FERMT1: variants seen among roughly 807,000 people sequenced by gnomAD.
FERMT1 encodes the protein fermitin family homolog 1.
In FERMT1, 60 loss-of-function variants were observed where a neutral mutation model predicts 85.3. The ratio of observed to expected loss-of-function variants is 0.70; its 90% CI spans 0.57 to 0.87. The LOEUF is 0.87. FERMT1 is among the 40% of genes least tolerant of loss of function. FERMT1 has a pLI of 0.00. For missense variants in FERMT1, 701 were observed against 818.9 expected (o/e 0.86, Z 1.76); for synonymous variants, 275 against 301.1 (o/e 0.91, Z 0.90).
intron 6 of FERMT1, among the ~76,000 whole-genome samples, chr20:6,101,798 G>A (rs1982666841): frequency 6.6e-6 from 1 of 151,770 alleles, no homozygotes; most frequent in South Asian, 2.1e-4. Flanking sequence ...GATTACACGA[G>A]CCCGCCTCCA....
rs1400433424 is a variant in FERMT1 at position 6,097,330 on chromosome 20, G to A, written c.957+194C>T. Among the ~76,000 whole-genome samples the A allele has an allele frequency of 9.9e-5, 15 of 152,098 alleles. 1 individual carries two copies. The highest frequency in any genetic ancestry group is 1.5e-5 in the Non-Finnish European group (1 of 68,028). ...GGATGTGAGCGTGTGTGGATTATGA[G>A]GAGCATTTTAAATTAAAAATTTGTT... On this transcript the variant is annotated intron_variant, in intron 7 of 14. Coordinates refer to ENST00000217289, the MANE Select transcript of FERMT1 (RefSeq NM_017671.5).
intron 6 of FERMT1, among the ~76,000 whole-genome samples, chr20:6,103,799 A>G (rs1982726178): frequency 7.4e-6 from 1 of 135,410 alleles, no homozygotes; most frequent in Non-Finnish European, 1.6e-5. Context: ...CAGATGTACA[A>G]TTTTCATTTT....
chr20:6,119,389 G>A lies in FERMT1; in HGVS notation c.151+15C>T. The A allele has an allele frequency of 1.2e-6, 2 of 1,613,556 alleles. No homozygotes were observed. The highest frequency in any genetic ancestry group is 1.7e-6 in the Non-Finnish European group (2 of 1,179,498). The stretch of plus-strand genomic sequence containing the variant: ...GTTTCTAATACAGAGAAACCGTAAA[G>A]CAAGAGTAACTTACTGATCTGTTCT... On this transcript the variant is annotated intron_variant, in intron 2 of 14. Transcript: ENST00000217289.
chr20:6,089,474 A>G (rs1290206108), intron 9 of FERMT1, among the ~76,000 whole-genome samples: 1 of 152,208 alleles, frequency 6.6e-6, no homozygotes, highest in African/African-American at 2.4e-5. Flanking sequence ...GATGCAACTG[A>G]AGTGTTAACT....
chr20:6,115,101 A>G (rs950292960), intron 3 of FERMT1, among the ~76,000 whole-genome samples: 1 of 152,142 alleles, frequency 6.6e-6, no homozygotes, highest in South Asian at 2.1e-4. Context: ...ACTATATATC[A>G]CTATATATTA....
intron 8 of FERMT1, among the ~76,000 whole-genome samples, chr20:6,096,062 G>A (rs1028570686): frequency 2.0e-5 from 3 of 152,180 alleles, no homozygotes; most frequent in Non-Finnish European, 1.5e-5. Context: ...TAAGGAGAAA[G>A]AGATGACAAA....
intron 6 of FERMT1, among the ~76,000 whole-genome samples, chr20:6,105,244 G>A (rs76608961): frequency 6.6e-6 from 1 of 152,338 alleles, no homozygotes; most frequent in Non-Finnish European, 1.5e-5. Flanking sequence ...ATGTGACCGA[G>A]AGTAGAGAAA....
At chr20:6,098,073 CAA>C (rs963909158) in intron 6 of FERMT1, among the ~76,000 whole-genome samples, 9 of 152,180 alleles carry the variant, frequency 5.9e-5, no homozygotes, top group Admixed American at 5.2e-4. Flanking sequence ...CTCAGCCCCA[CAA>C]AGTGCTGGAA....
In FERMT1 at chr20:6,095,366, G is replaced by T. The variant is rs1982472423; in HGVS notation, c.1090-378C>A. On this transcript the variant is annotated intron_variant, in intron 8 of 14. Transcript: ENST00000217289. ...AGATTACAAAAATGAAAAACGAGAT[G>T]AAAAAAATGAAAAAGTGGATCAAGT... Among the ~76,000 whole-genome samples, 5 of 152,068 alleles carry T rather than the reference G, an allele frequency of 3.3e-5. No homozygotes were observed. The South Asian group carries it at 1.0e-3, about 31-fold the overall frequency.
At chr20:6,078,086 T>G (rs1981882584) in intron 14 of FERMT1, among the ~76,000 whole-genome samples, 1 of 152,228 alleles carries the variant, frequency 6.6e-6, no homozygotes, top group African/African-American at 2.4e-5. Flanking sequence ...AAGAAAGACT[T>G]AGAGACTTTG....
intron 3 of FERMT1, among the ~76,000 whole-genome samples, chr20:6,114,431 A>G (rs1983044356): frequency 6.6e-6 from 1 of 152,238 alleles, no homozygotes; most frequent in Admixed American, 6.5e-5. Context: ...AATCAGGAAA[A>G]GAGAACATCT....
intron 6 of FERMT1, among the ~76,000 whole-genome samples, chr20:6,106,329 C>G (rs1043992118): frequency 2.0e-5 from 3 of 152,128 alleles, no homozygotes; most frequent in Admixed American, 2.0e-4. Context: ...ACAGTGGAAG[C>G]TGAGGTGAGC....
Position 6,115,791 on chromosome 20 carries a change from G to A in FERMT1, c.385+20C>T. The A allele has an allele frequency of 6.4e-7, 1 of 1,568,764 alleles. No homozygotes were observed. The highest frequency in any genetic ancestry group is 8.8e-7 in the Non-Finnish European group (1 of 1,138,846). On this transcript the variant is annotated intron_variant, in intron 3 of 14. Transcript: ENST00000217289. ...TTTGCAAGAGTCTACAGGGCACAGG[G>A]GCCTTTCCTGGGTACTTACTCAGGA...
intron 1 of FERMT1, among the ~76,000 whole-genome samples, 171 bp downstream of exon 1, chr20:6,122,603 A>G (rs1429420037): frequency 6.6e-6 from 1 of 152,188 alleles, no homozygotes; most frequent in Non-Finnish European, 1.5e-5. Flanking sequence ...TTGCGGCCAG[A>G]TGCGTAGGGC....
rs554172418 is a variant in FERMT1, at chr20:6,082,238, C to T, written c.1718+1802G>A. 2.3e-4 allele frequency among the ~76,000 whole-genome samples: 35 copies of T among 152,282 alleles called. 1 individual carries two copies. Among genetic ancestry groups the T allele is most frequent in the Admixed American group, 6.5e-4 (10 of 15,296 alleles). On this transcript the variant is annotated intron_variant, in intron 13 of 14. Coordinates refer to ENST00000217289, the MANE Select transcript of FERMT1 (RefSeq NM_017671.5). ...GTTGTCACCGGAAAGTTGTTCAGGCCCACACCACGCTTCACCACGTATCAG... is the reference window on the plus strand; with the variant it reads ...GTTGTCACCGGAAAGTTGTTCAGGCTCACACCACGCTTCACCACGTATCAG...
intron 5 of FERMT1, 85 bp from the exon 6 acceptor site, chr20:6,107,719 C>CAT: frequency 1.0e-5 from 7 of 686,710 alleles, no homozygotes; most frequent in South Asian, 3.2e-5. Flanking sequence ...TTATATACTA[C>CAT]ATATATATAT....
At chr20:6,113,163 A>C (rs1020017805) in intron 3 of FERMT1, among the ~76,000 whole-genome samples, 1 of 152,086 alleles carries the variant, frequency 6.6e-6, no homozygotes, top group Non-Finnish European at 1.5e-5. Context: ...TGATGGTTTT[A>C]TAGGGTGTTT....
chr20:6,115,793 C>T lies in FERMT1; in HGVS notation c.385+18G>A, dbSNP rs762777135. On this transcript the variant is annotated intron_variant, in intron 3 of 14. Transcript: ENST00000217289. The stretch of plus-strand genomic sequence containing the variant: ...TGCAAGAGTCTACAGGGCACAGGGG[C>T]CTTTCCTGGGTACTTACTCAGGATT... 6.4e-7 allele frequency: 1 copy of T among 1,573,722 alleles called. No individual in the cohort carries two copies. The highest frequency in any genetic ancestry group is 1.1e-5 in the South Asian group (1 of 90,202).
At position 6,085,231 on chromosome 20, in the gene FERMT1, GGT is replaced by G. The variant is rs775115450; in HGVS notation, c.1426_1427del (p.Thr476HisfsTer88). Reference protein sequence around the residue: ...AACMLASKGKTMADSSYQPEV... With the variant: ...AACMLASKGKXMADSSYQPEV... ...CTGGCTGGTAGGAGCTGTCTGCCAT[GGT>G]TTTGCCCTTCGATGCCAACATGCAG... On this transcript the variant is annotated frameshift_variant, in exon 12 of 15. Transcript: ENST00000217289. LOFTEE classifies it high-confidence loss of function. The G allele has an allele frequency of 4.3e-6, 7 of 1,614,152 alleles. No individual in the cohort carries two copies. Among genetic ancestry groups the G allele is most frequent in the Non-Finnish European group, 5.9e-6 (7 of 1,180,044 alleles).
Sources: gnomAD v4.1 joint callset for allele counts (sites outside exome capture counted in the v4.1 genomes callset) on GRCh38, gnomAD v4.1.1 for gene constraint, MANE v1.5 for transcripts, NCBI Gene and HGNC (gene_info 2026-07-23, HGNC 2026-07-21) for gene names.